Variants in AKAP19 observed in about 807,000 individuals in gnomAD.
AKAP19 encodes small A-kinase anchoring protein.
chr2:190,200,054 T>TGTC, the AKAP19 span: 2 of 1,614,124 alleles, frequency 1.2e-6, no homozygotes. Context: ...GCACACCGCC[T>TGTC]GTCTCAGGAT....
At chr2:190,175,044 G>T in the AKAP19 span, among the ~76,000 whole-genome samples, 2 of 151,658 alleles carry the variant, frequency 1.3e-5, no homozygotes, top group African/African-American at 2.4e-5. Context: ...CTCAGAATTT[G>T]GTGGTGGGGG....
the AKAP19 span, among the ~76,000 whole-genome samples, chr2:189,941,643 A>G: frequency 6.6e-6 from 1 of 151,266 alleles, no homozygotes; most frequent in Non-Finnish European, 1.5e-5. Context: ...TGAGCCTCAC[A>G]TAACCACAAT....
At chr2:190,073,522 C>T in the AKAP19 span, among the ~76,000 whole-genome samples, 1 of 151,870 alleles carries the variant, frequency 6.6e-6, no homozygotes, top group Non-Finnish European at 1.5e-5. Flanking sequence ...TATTAATACT[C>T]TAAAAGCCAC....
chr2:190,194,187 C>T, the AKAP19 span, among the ~76,000 whole-genome samples: 1 of 152,018 alleles, frequency 6.6e-6, no homozygotes, highest in East Asian at 1.9e-4. Context: ...GGTGAATGTT[C>T]CATATGCACT....
chr2:190,034,534 C>CCA, the AKAP19 span, among the ~76,000 whole-genome samples: 1 of 68,268 alleles, frequency 1.5e-5, no homozygotes. Context: ...GGCTACAGTG[C>CCA]AAAAAAAAAA....
the AKAP19 span, among the ~76,000 whole-genome samples, chr2:189,912,960 GAGT>G: frequency 6.6e-6 from 1 of 152,066 alleles, no homozygotes; most frequent in African/African-American, 2.4e-5. Flanking sequence ...CAAAGCTGTA[GAGT>G]ATTTTATTTT....
chr2:189,927,547 C>T, the AKAP19 span, among the ~76,000 whole-genome samples: 5 of 152,298 alleles, frequency 3.3e-5, no homozygotes, highest in South Asian at 6.2e-4. Context: ...ATACACTTCA[C>T]CCAGATTCTC....
chr2:190,128,439 T>A, the AKAP19 span, among the ~76,000 whole-genome samples: 1 of 152,172 alleles, frequency 6.6e-6, no homozygotes, highest in Non-Finnish European at 1.5e-5. Context: ...ACCCAGCTAA[T>A]CTATGGTCTT....
the AKAP19 span, among the ~76,000 whole-genome samples, chr2:189,910,501 C>G: frequency 6.6e-6 from 1 of 151,960 alleles, no homozygotes; most frequent in African/African-American, 2.4e-5. Context: ...CAAAACTATA[C>G]TTTCCTAATC....
At chr2:190,194,412 T>C in the AKAP19 span, among the ~76,000 whole-genome samples, 2 of 151,910 alleles carry the variant, frequency 1.3e-5, no homozygotes, top group Non-Finnish European at 2.9e-5. Flanking sequence ...TAGACTGTTT[T>C]TCAGAGCAGT....
chr2:190,005,429 A>G, the AKAP19 span, among the ~76,000 whole-genome samples: 1 of 152,130 alleles, frequency 6.6e-6, no homozygotes, highest in African/African-American at 2.4e-5. Flanking sequence ...TGCATTTACA[A>G]TCCTCTAGCT....
chr2:189,991,501 G>C, the AKAP19 span, among the ~76,000 whole-genome samples: 1 of 152,102 alleles, frequency 6.6e-6, no homozygotes, highest in Middle Eastern at 3.2e-3. Flanking sequence ...TCTCTTTTGA[G>C]AACTGTCTAT....
chr2:190,197,191 A>G, the AKAP19 span, among the ~76,000 whole-genome samples: 2 of 152,176 alleles, frequency 1.3e-5, no homozygotes, highest in South Asian at 4.1e-4. The surrounding 1 kb of genome is among the most constrained non-coding windows in gnomAD (Gnocchi z 4.0). Flanking sequence ...GAAGCCACAA[A>G]CATCCTAGCT....
the AKAP19 span, among the ~76,000 whole-genome samples, chr2:190,149,762 C>T: frequency 2.0e-5 from 3 of 152,084 alleles, no homozygotes; most frequent in Non-Finnish European, 4.4e-5. Flanking sequence ...GAGAAAGTTC[C>T]ATGCACTGTT....
the AKAP19 span, among the ~76,000 whole-genome samples, chr2:190,178,854 C>T: frequency 6.6e-6 from 1 of 152,196 alleles, no homozygotes; most frequent in Non-Finnish European, 1.5e-5. The surrounding 1 kb of genome is among the most constrained non-coding windows in gnomAD (Gnocchi z 6.3). Context: ...CTAAGTGTCT[C>T]CTCTGCCTAG....
chr2:190,103,397 CTA>C, the AKAP19 span, among the ~76,000 whole-genome samples: 3 of 152,194 alleles, frequency 2.0e-5, no homozygotes, highest in African/African-American at 7.2e-5. Context: ...AGAAGTGAAA[CTA>C]TCTCTTGTTG....
chr2:189,892,676 C>T, the AKAP19 span, among the ~76,000 whole-genome samples: 1 of 152,198 alleles, frequency 6.6e-6, no homozygotes, highest in African/African-American at 2.4e-5. Context: ...TCAACCCCTG[C>T]TGGGAGGTGT....
At chr2:190,151,935 G>A in the AKAP19 span, among the ~76,000 whole-genome samples, 46 of 152,048 alleles carry the variant, frequency 3.0e-4, 1 homozygote, top group Admixed American at 1.8e-3. Flanking sequence ...TCTGGGAGGC[G>A]GAGGTTGCAG....
At chr2:189,890,389 T>A in the AKAP19 span, among the ~76,000 whole-genome samples, 1 of 152,240 alleles carries the variant, frequency 6.6e-6, no homozygotes, top group Non-Finnish European at 1.5e-5. Context: ...GAAGAATGTA[T>A]ATTCTGTTGA....
Sources: gnomAD v4.1 joint callset for allele counts (sites outside exome capture counted in the v4.1 genomes callset) on GRCh38, gnomAD v4.1.1 for gene constraint, Gnocchi (gnomAD v3.1) non-coding constraint, MANE v1.5 for transcripts, NCBI Gene and HGNC (gene_info 2026-07-23, HGNC 2026-07-21) for gene names.